The following SNX15 variants were observed in gnomAD, a reference collection of about 807,000 sequenced individuals.
SNX15 encodes the protein sorting nexin 15.
In SNX15, 29 loss-of-function variants were observed where a neutral mutation model predicts 35.2. That is an observed-to-expected ratio of 0.82 (90% CI 0.61 to 1.12). The LOEUF (loss-of-function observed/expected upper bound fraction) is 1.12. Among genes scored for constraint, SNX15 ranks in the 50% most tolerant of loss-of-function variants. SNX15 has a pLI of 0.00. For synonymous variants in SNX15, 189 were observed against 188.2 expected, an observed-to-expected ratio of 1.00 and a Z score of -0.03; for missense variants, 400 against 451.5, an observed-to-expected ratio of 0.89 and a Z score of 1.03.
chr11:65,039,992 A>T lies in SNX15; in HGVS notation c.*200A>T. 5 of 484,352 alleles carry T rather than the reference A, an allele frequency of 1.0e-5. No homozygotes were observed. The highest frequency in any genetic ancestry group is 3.2e-5 in the East Asian group (1 of 30,902). 30.0% of individuals were successfully genotyped at this position (484,352 alleles called of 1,614,324 possible). A position where few individuals can be genotyped will look rare whatever the true frequency, so the allele number is the denominator to read the frequency against. ...TTGGAATCAAGGACTCACACTTCTG[A>T]CCCTGCCTGTCTTTTTGGGGTTTTT... On this transcript the variant is annotated 3_prime_UTR_variant, in exon 8 of 8. Coordinates refer to ENST00000377244, the MANE Select transcript of SNX15 (RefSeq NM_013306.5).
chr11:65,038,766 G>A lies in SNX15; in HGVS notation c.859G>A (p.Ala287Thr), dbSNP rs766646254. ...GGCCCTGCGGGATGAGAAGGCAGGC[G>A]CTTACGCTGCTGCACTCCAGGGCTA... ...TQALRDEKAG[A>T]YAAALQGYRD... The change falls in exon 7 of 8, where the codon GCT becomes ACT. Residue 287 changes from alanine (A) to threonine (T), a missense_variant. Transcript: ENST00000377244. The A allele has an allele frequency of 1.2e-5, 19 of 1,599,746 alleles. No individual in the cohort carries two copies. The highest frequency in any genetic ancestry group is 1.1e-4 in the Admixed American group (6 of 56,708).
At chr11:65,035,774 TCTC>T in intron 6 of SNX15, 111 bp downstream of exon 6, 2 of 1,195,256 alleles carry the variant, frequency 1.7e-6, no homozygotes, top group Non-Finnish European at 2.3e-6. Context: ...GGGAGAGACG[TCTC>T]CTCAGCAGTG....
Position 65,034,431 on chromosome 11 carries a change from C to T in SNX15, c.257-416C>T, listed in dbSNP as rs114668501. Among the ~76,000 whole-genome samples the T allele has an allele frequency of 6.5e-3, 986 of 152,238 alleles. 8 individuals carry two copies. Among genetic ancestry groups the T allele is most frequent in the African/African-American group, 0.023 (954 of 41,540 alleles). On this transcript the variant is annotated intron_variant, in intron 3 of 7. Transcript: ENST00000377244. ...GCCAGTCCTTTTCTCAAAAAATAAA[C>T]GGGGGCTCCTTGCTTTGTGACCTTG...
intron 6 of SNX15, 192 bp downstream of exon 6, chr11:65,035,855 G>A (rs754438884): frequency 1.9e-6 from 1 of 526,306 alleles, no homozygotes; most frequent in African/African-American, 1.9e-5. Flanking sequence ...GTGGTGTGGT[G>A]TGCTGGATGC....
Position 65,039,698 on chromosome 11 carries a change from C to T in SNX15, c.935C>T (p.Pro312Leu). 1 of 1,613,022 alleles carries T rather than the reference C, an allele frequency of 6.2e-7. No individual in the cohort carries two copies. The highest frequency in any genetic ancestry group is 8.5e-7 in the Non-Finnish European group (1 of 1,179,486). Residue 312 changes from proline to leucine, a missense_variant, in exon 8 of 8, where the codon CCT (proline) becomes CTT (leucine). Transcript: ENST00000377244. ...LLQGVPSDPL[P>L]ARQEGVKKKA... Reference sequence around the variant, plus strand: ...TCTCTCTCCACAGGTGACCCGTTGCCTGCCCGCCAGGAAGGTGTGAAGAAG... The same window carrying T: ...TCTCTCTCCACAGGTGACCCGTTGCTTGCCCGCCAGGAAGGTGTGAAGAAG...
chr11:65,037,456 T>C (rs1946515851), intron 6 of SNX15: 1 of 151,936 alleles, frequency 6.6e-6, no homozygotes, highest in South Asian at 2.1e-4. Flanking sequence ...TGGACTCAAG[T>C]AGTCCTCCCA....
intron 1 of SNX15, among the ~76,000 whole-genome samples, chr11:65,028,433 G>A (rs1433027433): frequency 6.6e-6 from 1 of 152,146 alleles, no homozygotes; most frequent in Admixed American, 6.5e-5. Context: ...AGCAAAGCAG[G>A]CACATAAGGA....
At chr11:65,028,153 A>T (rs1946396036) in intron 1 of SNX15, among the ~76,000 whole-genome samples, 1 of 152,258 alleles carries the variant, frequency 6.6e-6, no homozygotes, top group Non-Finnish European at 1.5e-5. Context: ...GAAGATAGAT[A>T]GGCTAGAGTT....
intron 6 of SNX15, 73 bp downstream of exon 6, chr11:65,035,736 C>T: frequency 6.7e-7 from 1 of 1,482,716 alleles, no homozygotes; most frequent in Admixed American, 2.1e-5. Context: ...CAGAGCCCCA[C>T]TAGCCTGCTC....
At position 65,035,059 on chromosome 11, in the gene SNX15, G is replaced by T; in HGVS notation, c.373G>T (p.Gly125Cys). ...CATGTCTGATCTTTCTGTCCTGCAGGGTGGGGAGGTGACCCGACCCTTGGA... is the reference window on the plus strand; with the variant it reads ...CATGTCTGATCTTTCTGTCCTGCAGTGTGGGGAGGTGACCCGACCCTTGGA... The part of the protein sequence containing the change: ...NSPQLKEFFR[G>C]GEVTRPLEVS... Residue 125 changes from glycine to cysteine, a missense_variant and splice_region_variant, in exon 5 of 8, where the codon GGT becomes TGT. Physicochemically the swap from Gly to Cys is radical, Grantham distance 159. Coordinates refer to ENST00000377244, the MANE Select transcript of SNX15 (RefSeq NM_013306.5). 1 of 1,613,588 alleles carries T rather than the reference G, an allele frequency of 6.2e-7. No homozygotes were observed. The highest frequency in any genetic ancestry group is 8.5e-7 in the Non-Finnish European group (1 of 1,179,870).
At chr11:65,029,105 A>G (rs1042101277) in intron 1 of SNX15, among the ~76,000 whole-genome samples, 1 of 150,806 alleles carries the variant, frequency 6.6e-6, no homozygotes, top group Non-Finnish European at 1.5e-5. Flanking sequence ...ATATAAATAA[A>G]TAAATAAATA....
At chr11:65,031,237 T>TG (rs1946436327) in intron 1 of SNX15, among the ~76,000 whole-genome samples, 1 of 152,184 alleles carries the variant, frequency 6.6e-6, no homozygotes, top group Non-Finnish European at 1.5e-5. Flanking sequence ...TTGCCCAGGC[T>TG]GGCCTCAAAC....
chr11:65,031,420 C>T (rs989555631), intron 1 of SNX15, among the ~76,000 whole-genome samples: 3 of 152,256 alleles, frequency 2.0e-5, no homozygotes, highest in Non-Finnish European at 4.4e-5. Context: ...TTGTTTTCAC[C>T]TCAGACCCAA....
chr11:65,034,943 A>C lies in SNX15; in HGVS notation c.353A>C (p.Gln118Pro). 1 of 1,614,060 alleles carries C rather than the reference A, an allele frequency of 6.2e-7. No individual in the cohort carries two copies. ...VHIPALNNSP[Q>P]LKEFFRGGEV... Reference sequence around the variant, plus strand: ...ATACCTGCGCTCAACAACAGCCCCCAGCTCAAGGAGTTCTTCCGGGTATGT... The same window carrying C: ...ATACCTGCGCTCAACAACAGCCCCCCGCTCAAGGAGTTCTTCCGGGTATGT... The change falls in exon 4 of 8, where the codon CAG becomes CCG. Residue 118 changes from glutamine to proline, a missense_variant. Coordinates refer to ENST00000377244, the MANE Select transcript of SNX15 (RefSeq NM_013306.5).
intron 1 of SNX15, among the ~76,000 whole-genome samples, chr11:65,030,501 ATT>A (rs1225099649): frequency 6.1e-5 from 8 of 131,834 alleles, no homozygotes; most frequent in Admixed American, 7.6e-5. Context: ...CTGGCCTATA[ATT>A]TTTTTTTTTT....
intron 5 of SNX15, 110 bp downstream of exon 5, chr11:65,035,316 T>C: frequency 7.8e-7 from 1 of 1,289,728 alleles, no homozygotes; most frequent in Non-Finnish European, 1.1e-6. Context: ...GTCCCAGGTC[T>C]ATCACTTAAC....
At chr11:65,039,660 C>T in intron 7 of SNX15, 26 bp from the exon 8 acceptor site, 1 of 1,556,294 alleles carries the variant, frequency 6.4e-7, no homozygotes, top group Non-Finnish European at 8.8e-7. Flanking sequence ...GCCCAGGTGC[C>T]TCAGCTGAGC....
At chr11:65,031,610 G>A (rs1023363024) in intron 1 of SNX15, among the ~76,000 whole-genome samples, 17 of 152,170 alleles carry the variant, frequency 1.1e-4, no homozygotes, top group Non-Finnish European at 2.2e-4. Context: ...AAGGAACTGG[G>A]ATAAAAATTG....
At chr11:65,032,828 A>G (rs1946456499) in intron 3 of SNX15, among the ~76,000 whole-genome samples, 1 of 151,822 alleles carries the variant, frequency 6.6e-6, no homozygotes, top group Admixed American at 6.6e-5. Context: ...GCAAAACTCC[A>G]TCTCAAAGGA....
Sources: allele counts gnomAD v4.1 joint callset (sites outside exome capture counted in the v4.1 genomes callset), GRCh38; gene constraint gnomAD v4.1.1; transcripts MANE v1.5; gene names NCBI Gene and HGNC (gene_info 2026-07-23, HGNC 2026-07-21).